ARHGAP20: variants seen among roughly 807,000 people sequenced by gnomAD.
The protein encoded by ARHGAP20 is Rho GTPase activating protein 20.
A neutral mutation model predicts 73.7 loss-of-function variants in ARHGAP20; 34 were observed. The observed-to-expected ratio is 0.46, with a 90% CI of 0.35 to 0.61. The LOEUF is 0.61. ARHGAP20 is among the 20% of genes least tolerant of loss of function. The pLI is 0.00. For missense variants in ARHGAP20, 1,314 were observed against 1,420.9 expected, an observed-to-expected ratio of 0.92 and a Z score of 1.21; for synonymous variants, 523 against 518.2, an observed-to-expected ratio of 1.01 and a Z score of -0.13.
intron 7 of ARHGAP20, among the ~76,000 whole-genome samples, chr11:110,610,108 C>T (rs1251272141): frequency 6.6e-6 from 1 of 151,990 alleles, no homozygotes; most frequent in African/African-American, 2.4e-5. Flanking sequence ...CTCTACATAC[C>T]TCTAAAACTC....
intron 14 of ARHGAP20, 72 bp from the exon 15 acceptor site, chr11:110,581,297 A>ATTCTCTTTTCATG: frequency 7.0e-7 from 1 of 1,429,958 alleles, no homozygotes; most frequent in Non-Finnish European, 9.3e-7. Context: ...TTAAGAACAA[A>ATTCTCTTTTCATG]TTCTCTTTTC....
chr11:110,596,082 G>T (rs964509606), intron 9 of ARHGAP20, among the ~76,000 whole-genome samples: 97 of 152,260 alleles, frequency 6.4e-4, no homozygotes, highest in African/African-American at 1.7e-3. Flanking sequence ...GGGAAAACTG[G>T]CTAGCCATAT....
Position 110,615,892 on chromosome 11 carries a change from T to A in ARHGAP20, c.504-298A>T, listed in dbSNP as rs115583072. Among the ~76,000 whole-genome samples, 1,478 of 152,296 alleles carry A rather than the reference T, an allele frequency of 9.7e-3. 23 individuals carry two copies. The highest frequency in any genetic ancestry group is 0.033 in the African/African-American group (1,366 of 41,560). On this transcript the variant is annotated intron_variant, in intron 4 of 14. Transcript: ENST00000683387. ...TGGTATTATATCAGTGTGAGAGAGT[T>A]CCTATAGTGGAAAGAGTACTTGATT...
At position 110,655,443 on chromosome 11, in the gene ARHGAP20, T is replaced by C. The variant is rs1252750456; in HGVS notation, c.189-24651A>G. Among the ~76,000 whole-genome samples the C allele has an allele frequency of 5.9e-5, 9 of 152,328 alleles. No individual in the cohort carries two copies. The South Asian group carries it at 8.3e-4, about 14-fold the overall frequency. On this transcript the variant is annotated intron_variant, in intron 2 of 14. Coordinates refer to ENST00000683387, the MANE Select transcript of ARHGAP20 (RefSeq NM_001384657.1). ...ATATGTGAATTACAGCTAGGATTAA[T>C]GTGTTTTGCGTTGGAACATTAACGT...
chr11:110,660,069 A>AAAAAAACAAAGC (rs71057020), intron 2 of ARHGAP20, among the ~76,000 whole-genome samples: 26 of 146,934 alleles, frequency 1.8e-4, no homozygotes, highest in African/African-American at 6.3e-4. Context: ...AACAAAAAAA[A>AAAAAAACAAAGC]AAAAAAAAAG....
In ARHGAP20 at chr11:110,609,030, C is replaced by T; in HGVS notation, c.729G>A (p.Gln243=). The T allele has an allele frequency of 6.2e-7, 1 of 1,613,586 alleles. No individual in the cohort carries two copies. ...LGITGSERDY[Q]LWVNSGKEEA... is the part of the protein sequence containing the mutation. ...CTTCTTTGCCAGAATTGACCCACAA[C>T]TGGTAATCTCTCTCAGAGCCCTTAG... Residue 243 remains glutamine (Q), a synonymous_variant, in exon 8 of 15, where the codon CAG becomes CAA. Coordinates refer to ENST00000683387, the MANE Select transcript of ARHGAP20 (RefSeq NM_001384657.1).
chr11:110,599,384 T>C (rs2134854493), intron 9 of ARHGAP20, among the ~76,000 whole-genome samples: 1 of 152,138 alleles, frequency 6.6e-6, no homozygotes, highest in East Asian at 1.9e-4. Context: ...AGCCCCCTGG[T>C]GCCTTGGACT....
intron 3 of ARHGAP20, among the ~76,000 whole-genome samples, chr11:110,627,300 C>T (rs1230098595): frequency 2.6e-5 from 4 of 152,054 alleles, no homozygotes; most frequent in Non-Finnish European, 5.9e-5. Context: ...GCCATGTTGG[C>T]CAGGCTGGTC....
chr11:110,648,254 A>AT lies in ARHGAP20; in HGVS notation c.189-17463_189-17462insA, dbSNP rs1555094986. ...ATATATATGTAAATATATATATGTA[A>AT]ATATATATATGTAAATATATATATG... On this transcript the variant is annotated intron_variant, in intron 2 of 14. Transcript: ENST00000683387. Among the ~76,000 whole-genome samples, 446 of 81,902 alleles carry AT rather than the reference A, an allele frequency of 5.4e-3. 5 individuals are homozygous for AT. The highest frequency in any genetic ancestry group is 0.018 in the African/African-American group (407 of 22,202). 53.7% of individuals were successfully genotyped at this position (81,902 alleles called of 152,430 possible).
intron 2 of ARHGAP20, 45 bp from the exon 3 acceptor site, chr11:110,630,837 T>C (rs1481674420): frequency 1.9e-6 from 3 of 1,578,592 alleles, no homozygotes; most frequent in Non-Finnish European, 1.7e-6. Context: ...GATCATCTTA[T>C]AGTTGGTCAA....
chr11:110,712,009 C>A, intron 1 of ARHGAP20, 118 bp downstream of exon 1: 1 of 1,240,258 alleles, frequency 8.1e-7, no homozygotes, highest in Non-Finnish European at 1.0e-6. Context: ...CCGCGAGCCT[C>A]GAGCGTCAAA....
At chr11:110,640,233 A>C (rs1447678645) in intron 2 of ARHGAP20, among the ~76,000 whole-genome samples, 1 of 151,952 alleles carries the variant, frequency 6.6e-6, no homozygotes, top group Non-Finnish European at 1.5e-5. Context: ...TCTTTTCTCC[A>C]ATCTATACTA....
At chr11:110,681,594 GTA>G (rs1950037674) in intron 2 of ARHGAP20, among the ~76,000 whole-genome samples, 1 of 152,184 alleles carries the variant, frequency 6.6e-6, no homozygotes, top group Non-Finnish European at 1.5e-5. Flanking sequence ...TCATTCGAAA[GTA>G]TGATAAGCTA....
At chr11:110,616,091 A>T (rs970617571) in intron 4 of ARHGAP20, among the ~76,000 whole-genome samples, 2 of 152,166 alleles carry the variant, frequency 1.3e-5, no homozygotes, top group Non-Finnish European at 2.9e-5. Context: ...GATTAAGAGA[A>T]ATTTGGCATG....
Position 110,649,610 on chromosome 11 carries a change from G to GA in ARHGAP20, c.189-18819dup, listed in dbSNP as rs1231784305. ...GGGGTGGGCAGGAAGGAAGACATCA[G>GA]AAAAAACTTTACAGAGGAATCAGTG... is the stretch of plus-strand genomic sequence containing the variant. On this transcript the variant is annotated intron_variant, in intron 2 of 14. Coordinates refer to ENST00000683387, the MANE Select transcript of ARHGAP20 (RefSeq NM_001384657.1). Among the ~76,000 whole-genome samples the GA allele has an allele frequency of 2.6e-5, 4 of 152,056 alleles. No homozygotes were observed. In the East Asian group the frequency reaches 5.8e-4, roughly 22 times the overall value.
chr11:110,615,056 G>T (rs544488499), intron 5 of ARHGAP20, among the ~76,000 whole-genome samples: 98 of 152,154 alleles, frequency 6.4e-4, no homozygotes, highest in Non-Finnish European at 1.1e-3. Flanking sequence ...GTAAATCTTG[G>T]TTATCCTATA....
chr11:110,628,433 ATAAC>A (rs999834231), intron 3 of ARHGAP20, among the ~76,000 whole-genome samples: 16 of 152,188 alleles, frequency 1.1e-4, no homozygotes, highest in East Asian at 5.8e-4. Flanking sequence ...ATCTGTGAAT[ATAAC>A]TAACTAACTG....
Position 110,672,531 on chromosome 11 carries a change from G to T in ARHGAP20, c.188+18016C>A, listed in dbSNP as rs756234116. On this transcript the variant is annotated intron_variant, in intron 2 of 14. Coordinates refer to ENST00000683387, the MANE Select transcript of ARHGAP20 (RefSeq NM_001384657.1). Reference sequence around the variant, plus strand: ...TTGTTCTTGGCTCACTGCAACCTCCGCCCCTCATGTTCAAACGATTCTCCC... The same window carrying T: ...TTGTTCTTGGCTCACTGCAACCTCCTCCCCTCATGTTCAAACGATTCTCCC... Among the ~76,000 whole-genome samples the T allele has an allele frequency of 5.3e-5, 8 of 151,360 alleles. 1 individual carries two copies. The highest frequency in any genetic ancestry group is 1.9e-4 in the African/African-American group (8 of 41,142).
At chr11:110,693,713 AT>A (rs1237866732) in intron 1 of ARHGAP20, among the ~76,000 whole-genome samples, 4 of 151,872 alleles carry the variant, frequency 2.6e-5, no homozygotes, top group Non-Finnish European at 5.9e-5. Flanking sequence ...GAAAACTTAG[AT>A]TTTCTTGTTT....
Sources: allele counts gnomAD v4.1 joint callset (sites outside exome capture counted in the v4.1 genomes callset), GRCh38; gene constraint gnomAD v4.1.1; transcripts MANE v1.5; gene names NCBI Gene and HGNC (gene_info 2026-07-23, HGNC 2026-07-21).